The following SLC35F1 variants were observed in gnomAD, a reference collection of about 807,000 sequenced individuals.
SLC35F1 encodes chromosome 6 open reading frame 169.
Under a neutral mutation model 48.7 loss-of-function variants are expected in SLC35F1, and 14 were observed. The ratio of observed to expected loss-of-function variants is 0.29; its 90% CI spans 0.19 to 0.45. SLC35F1 has a LOEUF of 0.45. SLC35F1 is among the 20% of genes least tolerant of loss of function. SLC35F1 has a pLI of 1.00. For missense variants in SLC35F1, 404 were observed against 500.0 expected (o/e 0.81, Z 1.83); for synonymous variants, 190 against 202.2 (o/e 0.94, Z 0.51).
At chr6:118,175,175 C>T (rs1282001875) in intron 2 of SLC35F1, among the ~76,000 whole-genome samples, 1 of 152,072 alleles carries the variant, frequency 6.6e-6, no homozygotes, top group Non-Finnish European at 1.5e-5. Context: ...ATTAAAAATT[C>T]AGTCCATATC....
At chr6:117,925,961 G>A (rs1776021726) in intron 1 of SLC35F1, among the ~76,000 whole-genome samples, 1 of 152,122 alleles carries the variant, frequency 6.6e-6, no homozygotes, top group Non-Finnish European at 1.5e-5. Context: ...TTTATTCTGA[G>A]CCTGCTTTGC....
intron 1 of SLC35F1, among the ~76,000 whole-genome samples, chr6:117,909,122 T>G (rs1449011442): frequency 6.6e-6 from 1 of 152,224 alleles, no homozygotes; most frequent in African/African-American, 2.4e-5. Context: ...TTCCATTTAT[T>G]ATCAAACAGA....
At chr6:118,052,100 CT>C (rs1299866636) in intron 1 of SLC35F1, among the ~76,000 whole-genome samples, 1 of 152,088 alleles carries the variant, frequency 6.6e-6, no homozygotes, top group African/African-American at 2.4e-5. Context: ...TCTCACCCTT[CT>C]CCTTGGGCTG....
At chr6:118,084,962 G>C (rs898231678) in intron 1 of SLC35F1, among the ~76,000 whole-genome samples, 1 of 152,112 alleles carries the variant, frequency 6.6e-6, no homozygotes. Flanking sequence ...CACATTAACT[G>C]AAAGGCACTG....
At chr6:117,991,189 C>T (rs1349814840) in intron 1 of SLC35F1, among the ~76,000 whole-genome samples, 1 of 152,004 alleles carries the variant, frequency 6.6e-6, no homozygotes, top group South Asian at 2.1e-4. Context: ...GAAAACTGTA[C>T]TAAATTGCAT....
At chr6:118,059,510 T>C (rs1404525459) in intron 1 of SLC35F1, among the ~76,000 whole-genome samples, 1 of 152,224 alleles carries the variant, frequency 6.6e-6, no homozygotes, top group Non-Finnish European at 1.5e-5. Context: ...CCAGGTTATG[T>C]TGTGGTAACA....
chr6:118,235,927 A>G (rs1350296804), intron 3 of SLC35F1, among the ~76,000 whole-genome samples: 1 of 152,182 alleles, frequency 6.6e-6, no homozygotes, highest in East Asian at 1.9e-4. Context: ...TGCAATTACT[A>G]TTGACAATGT....
rs537890955 is a variant in SLC35F1, at chr6:118,110,770, C to CTA, written c.174-43674_174-43673insAT. ...TAATACTCTATTATTAGACAGCAGTCTTATGGATATACTAATAAGGTGTAA... is the reference window on the plus strand; with the variant it reads ...TAATACTCTATTATTAGACAGCAGTCTATTATGGATATACTAATAAGGTGTAA... On this transcript the variant is annotated intron_variant, in intron 1 of 7. Transcript: ENST00000360388. Among the ~76,000 whole-genome samples the CTA allele has an allele frequency of 3.6e-3, 554 of 152,178 alleles. 1 individual carries two copies. Among genetic ancestry groups the CTA allele is most frequent in the Admixed American group, 6.8e-3 (104 of 15,290 alleles).
rs1777301814 is a variant in SLC35F1, at chr6:118,015,068, G to T, written c.173+107169G>T. Among the ~76,000 whole-genome samples the T allele has an allele frequency of 2.0e-5, 3 of 152,266 alleles. No homozygotes were observed. The South Asian group carries it at 6.2e-4, about 32-fold the overall frequency. On this transcript the variant is annotated intron_variant, in intron 1 of 7. Coordinates refer to ENST00000360388, the MANE Select transcript of SLC35F1 (RefSeq NM_001029858.4). ...ATGACATCTCATGGTTTTATAAGGGGAAACCCCTTTTGCTTGGCTCTCATT... is the reference window on the plus strand; with the variant it reads ...ATGACATCTCATGGTTTTATAAGGGTAAACCCCTTTTGCTTGGCTCTCATT...
Position 117,907,906 on chromosome 6 carries a change from G to T in SLC35F1, c.173+7G>T, listed in dbSNP as rs539000565. On this transcript the variant is annotated splice_region_variant and intron_variant, in intron 1 of 7. Transcript: ENST00000360388. ...TCCGCAAAGTGCTGAACAGGTGAGCGGCGGCGCCGGGCGAGGGCGCGGGGG... is the reference window on the plus strand; with the variant it reads ...TCCGCAAAGTGCTGAACAGGTGAGCTGCGGCGCCGGGCGAGGGCGCGGGGG... 1.2e-3 allele frequency: 1,645 copies of T among 1,325,750 alleles called. 16 individuals carry two copies. In the African/African-American group the frequency reaches 0.022, roughly 17 times the overall value. The allele number at this position is 1,325,750 out of a possible 1,614,324, so 82.1% of individuals were successfully genotyped here.
At chr6:118,035,549 G>C (rs1391364908) in intron 1 of SLC35F1, among the ~76,000 whole-genome samples, 1 of 151,342 alleles carries the variant, frequency 6.6e-6, no homozygotes, top group Admixed American at 6.6e-5. Context: ...GGGAGGCAGA[G>C]GTTGCAGTGA....
intron 2 of SLC35F1, among the ~76,000 whole-genome samples, chr6:118,202,533 A>G (rs1774884920): frequency 6.6e-6 from 1 of 152,188 alleles, no homozygotes; most frequent in Non-Finnish European, 1.5e-5. Context: ...ACTGTTTTGC[A>G]TTATTGAGTG....
chr6:118,049,661 T>C (rs1182939432), intron 1 of SLC35F1, among the ~76,000 whole-genome samples: 4 of 151,732 alleles, frequency 2.6e-5, no homozygotes, highest in Non-Finnish European at 5.9e-5. Flanking sequence ...AAAACCACAA[T>C]GAGACACCAT....
chr6:118,109,791 G>T (rs1269037510), intron 1 of SLC35F1, among the ~76,000 whole-genome samples: 1 of 152,170 alleles, frequency 6.6e-6, no homozygotes, highest in Non-Finnish European at 1.5e-5. Context: ...TTCTGAGAAA[G>T]GAGATTTCAT....
rs1774999537 is a variant in SLC35F1, at chr6:118,211,426, C to T, written c.350-24083C>T. 2.6e-5 allele frequency among the ~76,000 whole-genome samples: 4 copies of T among 152,354 alleles called. No individual in the cohort carries two copies. In the South Asian group the frequency reaches 8.3e-4, roughly 32 times the overall value. ...ATTCATTTTCGAACTGCCCACATCA[C>T]ACTCATTAATTCATTAAATGATTAT... On this transcript the variant is annotated intron_variant, in intron 2 of 7. Transcript: ENST00000360388.
intron 2 of SLC35F1, among the ~76,000 whole-genome samples, chr6:118,203,718 C>G (rs948690484): frequency 2.0e-5 from 3 of 152,206 alleles, no homozygotes; most frequent in Non-Finnish European, 4.4e-5. Flanking sequence ...TCTGTTACTC[C>G]TCACTGAATA....
rs551973646 is a variant in SLC35F1, at chr6:118,203,867, T to C, written c.350-31642T>C. Among the ~76,000 whole-genome samples the C allele has an allele frequency of 1.7e-3, 259 of 152,300 alleles. 1 individual carries two copies. Among genetic ancestry groups the C allele is most frequent in the African/African-American group, 6.1e-3 (254 of 41,564 alleles). ...TAACAAATAGGCTTTTGTGCACTCC[T>C]ACACACTTTGAACAGTGCAATGTCT... On this transcript the variant is annotated intron_variant, in intron 2 of 7. Coordinates refer to ENST00000360388, the MANE Select transcript of SLC35F1 (RefSeq NM_001029858.4).
chr6:118,266,446 T>A (rs887574453), intron 3 of SLC35F1, among the ~76,000 whole-genome samples: 2 of 152,236 alleles, frequency 1.3e-5, no homozygotes, highest in Admixed American at 1.3e-4. Context: ...AGCACTTTTT[T>A]ATTTTAAGAA....
In SLC35F1 at chr6:118,317,037, C is replaced by T. The variant is rs1437481052; in HGVS notation, c.*2785C>T. ...TTAGCTGTTTTAGTTTCTGAGATTT[C>T]ATAACCTCAGTAGACACCAGCAAAA... On this transcript the variant is annotated 3_prime_UTR_variant, in exon 8 of 8. Transcript: ENST00000360388. The T allele has an allele frequency of 2.0e-5, 3 of 152,602 alleles. No individual in the cohort carries two copies. Among genetic ancestry groups the T allele is most frequent in the Non-Finnish European group, 4.4e-5 (3 of 68,032 alleles). 9.5% of individuals were successfully genotyped at this position (152,602 alleles called of 1,614,324 possible). A position where few individuals can be genotyped will look rare whatever the true frequency, so the allele number is the denominator to read the frequency against.
Sources: gnomAD v4.1 joint callset for allele counts (sites outside exome capture counted in the v4.1 genomes callset) on GRCh38, gnomAD v4.1.1 for gene constraint, MANE v1.5 for transcripts, NCBI Gene and HGNC (gene_info 2026-07-23, HGNC 2026-07-21) for gene names.